UBE3A: variants seen among roughly 807,000 people sequenced by gnomAD.
UBE3A encodes the protein ubiquitin-protein ligase E3A.
In UBE3A, 6 loss-of-function variants were observed where a neutral mutation model predicts 83.4. The observed-to-expected ratio is 0.07, with a 90% CI of 0.04 to 0.14. The LOEUF (loss-of-function observed/expected upper bound fraction) is 0.14, where lower values mean the gene tolerates loss of function less well. Ranked by LOEUF, UBE3A falls within the 10% of genes least tolerant of loss-of-function variation. UBE3A has a pLI of 1.00. For missense variants in UBE3A, 456 were observed against 1,036.1 expected (o/e 0.44, Z 7.69); for synonymous variants, 337 against 355.4 (o/e 0.95, Z 0.58).
intron 4 of UBE3A, among the ~76,000 whole-genome samples, chr15:25,392,684 TGGGAAGAATGTTTCAGACAG>T (rs955616878): frequency 3.3e-5 from 5 of 151,778 alleles, no homozygotes; most frequent in African/African-American, 9.7e-5. Context: ...ACACTATGGG[TGGGAAGAATGTTTCAGACAG>T]GGGAAGAATG....
At chr15:25,393,795 G>GCAGGGCAGAC (rs1475716862) in intron 4 of UBE3A, 3 of 152,172 alleles carry the variant, frequency 2.0e-5, no homozygotes, top group African/African-American at 7.2e-5. Context: ...TGGTAGAAAA[G>GCAGGGCAGAC]CAGGGCAGAC....
chr15:25,379,268 T>TACTATC (rs2081756194), intron 4 of UBE3A, among the ~76,000 whole-genome samples: 1 of 152,234 alleles, frequency 6.6e-6, no homozygotes, highest in Non-Finnish European at 1.5e-5. Context: ...TTGTAATTGT[T>TACTATC]ACTATCACCC....
chr15:25,375,456 AC>A lies in UBE3A; in HGVS notation c.361+8del, dbSNP rs758077036. On this transcript the variant is annotated splice_region_variant and intron_variant, in intron 5 of 12. Coordinates refer to ENST00000648336, the MANE Select transcript of UBE3A (RefSeq NM_130839.5). ...GCAACAATTCTCAATTGAAAATAAA[AC>A]ATCTTACCTTTAAAATCAATTCTAG... 16 of 1,613,486 alleles carry A rather than the reference AC, an allele frequency of 9.9e-6. 1 individual carries two copies. The highest frequency in any genetic ancestry group is 1.7e-4 in the Middle Eastern group (1 of 5,924).
At chr15:25,411,615 G>GCAA (rs958648152) in intron 2 of UBE3A, among the ~76,000 whole-genome samples, 3 of 151,802 alleles carry the variant, frequency 2.0e-5, no homozygotes, top group Middle Eastern at 3.4e-3. Context: ...AGCAGCAGCA[G>GCAA]CAACAACAAC....
At chr15:25,424,605 C>T (rs1170280210) in intron 1 of UBE3A, among the ~76,000 whole-genome samples, 1 of 151,952 alleles carries the variant, frequency 6.6e-6, no homozygotes, top group East Asian at 1.9e-4. Flanking sequence ...GAAATGTTTA[C>T]TAAGTGAATC....
At chr15:25,417,756 T>C (rs1887629074) in intron 1 of UBE3A, among the ~76,000 whole-genome samples, 2 of 151,936 alleles carry the variant, frequency 1.3e-5, no homozygotes, top group South Asian at 4.1e-4. Context: ...GTTAATGACC[T>C]GTGGATAATA....
chr15:25,403,704 C>T (rs918375485), intron 4 of UBE3A, among the ~76,000 whole-genome samples: 6 of 152,188 alleles, frequency 3.9e-5, no homozygotes, highest in East Asian at 3.9e-4. Flanking sequence ...GCAACCTGAG[C>T]GCTCATCAAC....
chr15:25,358,336 A>T (rs1296261445), intron 7 of UBE3A, among the ~76,000 whole-genome samples: 1 of 151,926 alleles, frequency 6.6e-6, no homozygotes, highest in Non-Finnish European at 1.5e-5. Context: ...CCGAGACAGA[A>T]CCACTACACT....
intron 4 of UBE3A, among the ~76,000 whole-genome samples, chr15:25,388,444 T>C (rs1672116253): frequency 6.6e-6 from 1 of 151,978 alleles, no homozygotes; most frequent in Admixed American, 6.6e-5. Context: ...ACTAGTAAAC[T>C]AGGAATAGAG....
chr15:25,371,526 C>T lies in UBE3A; in HGVS notation c.648G>A (p.Gln216=), dbSNP rs746769407. 6.2e-7 allele frequency: 1 copy of T among 1,614,164 alleles called. No individual in the cohort carries two copies. The highest frequency in any genetic ancestry group is 8.5e-7 in the Non-Finnish European group (1 of 1,180,024). ...ASSSRIGDSS[Q]GDNNLQKLGP... is the part of the protein sequence containing the mutation. ...CTAATTTTTGCAAATTGTTGTCTCC[C>T]TGTGAGCTATCACCTATCCTTGAGG... The change falls in exon 6 of 13, where the codon CAG becomes CAA. Residue 216 remains glutamine (Q), a synonymous_variant. Coordinates refer to ENST00000648336, the MANE Select transcript of UBE3A (RefSeq NM_130839.5). This position sits in a 1 kb window ranked among gnomAD's most constrained non-coding sequence, Gnocchi z 5.3.
intron 11 of UBE3A, among the ~76,000 whole-genome samples, chr15:25,348,638 G>C (rs528154364): frequency 6.6e-6 from 1 of 152,136 alleles, no homozygotes; most frequent in African/African-American, 2.4e-5. Flanking sequence ...TAGGATATAA[G>C]ATCAATATAT....
rs776544230 is a variant in UBE3A at position 25,360,565 on chromosome 15, T to G, written c.1609-38A>C. On this transcript the variant is annotated intron_variant, in intron 6 of 12. Coordinates refer to ENST00000648336, the MANE Select transcript of UBE3A (RefSeq NM_130839.5). Reference sequence around the variant, plus strand: ...AAGATAAACATGAAAAGAAGATGATTGCTAGTATCAGGAAAAAAACAAAAT... The same window carrying G: ...AAGATAAACATGAAAAGAAGATGATGGCTAGTATCAGGAAAAAAACAAAAT... The G allele has an allele frequency of 1.9e-6, 3 of 1,606,280 alleles. No individual in the cohort carries two copies. In the African/African-American group the frequency reaches 4.0e-5, roughly 21 times the overall value.
In UBE3A at chr15:25,360,390, T is replaced by G; in HGVS notation, c.1746A>C (p.Pro582=). Residue 582 remains proline, a synonymous_variant, in exon 7 of 13, where the codon CCA becomes CCC. Coordinates refer to ENST00000648336, the MANE Select transcript of UBE3A (RefSeq NM_130839.5). The part of the protein sequence containing the change: ...FQLVVEEIFN[P]DIGMFTYDES... ...CATTACTAATGTATTTACCAATATCTGGATTGAAGATTTCCTCCACAACCA... is the reference window on the plus strand; with the variant it reads ...CATTACTAATGTATTTACCAATATCGGGATTGAAGATTTCCTCCACAACCA... 1 of 1,613,776 alleles carries G rather than the reference T, an allele frequency of 6.2e-7. No individual in the cohort carries two copies. Among genetic ancestry groups the G allele is most frequent in the Non-Finnish European group, 8.5e-7 (1 of 1,179,890 alleles).
intron 1 of UBE3A, among the ~76,000 whole-genome samples, chr15:25,431,452 C>T (rs906882944): frequency 3.3e-5 from 5 of 152,284 alleles, no homozygotes; most frequent in East Asian, 1.9e-4. Context: ...AAGCGATTCT[C>T]GTGCCTCAGC....
At chr15:25,398,958 T>A (rs2086429607) in intron 4 of UBE3A, among the ~76,000 whole-genome samples, 1 of 151,382 alleles carries the variant, frequency 6.6e-6, no homozygotes, top group East Asian at 1.9e-4. Flanking sequence ...TGTCTGCAAA[T>A]CCTCATCATA....
At chr15:25,397,897 T>C (rs2085949444) in intron 4 of UBE3A, among the ~76,000 whole-genome samples, 1 of 152,064 alleles carries the variant, frequency 6.6e-6, no homozygotes, top group South Asian at 2.1e-4. Flanking sequence ...TTGAGACATC[T>C]TCACCTCCTC....
At chr15:25,349,883 C>T (rs750402706) in intron 11 of UBE3A, among the ~76,000 whole-genome samples, 3 of 152,000 alleles carry the variant, frequency 2.0e-5, no homozygotes, top group Non-Finnish European at 4.4e-5. Context: ...TAGACAACAA[C>T]GATATACTGG....
At chr15:25,365,366 A>T (rs538169135) in intron 6 of UBE3A, among the ~76,000 whole-genome samples, 1 of 152,206 alleles carries the variant, frequency 6.6e-6, no homozygotes, top group East Asian at 1.9e-4. Context: ...TTTTAAAAAA[A>T]TTCCTTAATA....
chr15:25,350,701 TA>T (rs571234644), intron 11 of UBE3A, among the ~76,000 whole-genome samples: 22 of 148,852 alleles, frequency 1.5e-4, no homozygotes, highest in East Asian at 1.4e-3. Context: ...CACCAACAGG[TA>T]AAAAAAAAAC....
Sources: gnomAD v4.1 joint callset for allele counts (sites outside exome capture counted in the v4.1 genomes callset) on GRCh38, gnomAD v4.1.1 for gene constraint, Gnocchi (gnomAD v3.1) non-coding constraint, MANE v1.5 for transcripts, NCBI Gene and HGNC (gene_info 2026-07-23, HGNC 2026-07-21) for gene names.